RPS6KC1: variants seen among roughly 807,000 people sequenced by gnomAD.
The protein encoded by RPS6KC1 is ribosomal protein S6 kinase C1, also known as inactive ribosomal protein S6 kinase delta-1.
Under a neutral mutation model 103.8 loss-of-function variants are expected in RPS6KC1, and 54 were observed. The ratio of observed to expected loss-of-function variants is 0.52; its 90% confidence interval spans 0.42 to 0.65. RPS6KC1 has a LOEUF of 0.65. RPS6KC1 is among the 30% of genes least tolerant of loss of function. The probability of loss-of-function intolerance (pLI) is 0.00; values close to 1 mark genes in which losing one functional copy is unlikely to be tolerated. For missense variants in RPS6KC1, 1,151 were observed against 1,253.8 expected, an observed-to-expected ratio of 0.92 and a Z score of 1.24; for synonymous variants, 439 against 438.7, an observed-to-expected ratio of 1.00 and a Z score of -0.01.
chr1:213,739,271 A>G, the RPS6KC1 span, among the ~76,000 whole-genome samples: 4 of 152,212 alleles, frequency 2.6e-5, no homozygotes, highest in Non-Finnish European at 4.4e-5. Flanking sequence ...TGTTTTCTCT[A>G]GCTTACTTTA....
chr1:213,167,238 G>A (rs1033556328), intron 6 of RPS6KC1, among the ~76,000 whole-genome samples: 1 of 152,054 alleles, frequency 6.6e-6, no homozygotes, highest in African/African-American at 2.4e-5. Context: ...GAGGGGAAGG[G>A]GTAGAAGAGT....
At chr1:213,719,803 A>G in the RPS6KC1 span, among the ~76,000 whole-genome samples, 39,452 of 152,132 alleles carry the variant, frequency 0.26, 5,640 homozygotes, top group Middle Eastern at 0.38. Flanking sequence ...TATCCCGGTC[A>G]AGAGCAGGAT....
At chr1:213,116,985 A>G (rs2083721150) in intron 4 of RPS6KC1, among the ~76,000 whole-genome samples, 1 of 151,970 alleles carries the variant, frequency 6.6e-6, no homozygotes, top group African/African-American at 2.4e-5. Flanking sequence ...TGCTCTTAAC[A>G]TTTTTTGAAT....
the RPS6KC1 span, among the ~76,000 whole-genome samples, chr1:213,376,591 G>A: frequency 9.2e-5 from 14 of 151,646 alleles, no homozygotes; most frequent in African/African-American, 3.4e-4. Context: ...CCGTTCCTCC[G>A]ATTTTGCCTC....
At chr1:213,602,116 CT>C in the RPS6KC1 span, among the ~76,000 whole-genome samples, 1 of 33,074 alleles carries the variant, frequency 3.0e-5, no homozygotes, top group Non-Finnish European at 5.6e-5. Context: ...TTCTTTCTTT[CT>C]TTCTCTTTCT....
chr1:213,264,658 C>G (rs1173399744), intron 14 of RPS6KC1, among the ~76,000 whole-genome samples: 12 of 152,072 alleles, frequency 7.9e-5, no homozygotes. Context: ...AGGAAACTAC[C>G]ACTCATGTTG....
At chr1:213,472,642 C>G in the RPS6KC1 span, among the ~76,000 whole-genome samples, 1 of 152,136 alleles carries the variant, frequency 6.6e-6, no homozygotes, top group African/African-American at 2.4e-5. Flanking sequence ...AAAGCACCAT[C>G]AAATGTTGAC....
At chr1:213,253,679 G>T (rs1205872891) in intron 12 of RPS6KC1, among the ~76,000 whole-genome samples, 1 of 152,048 alleles carries the variant, frequency 6.6e-6, no homozygotes, top group Non-Finnish European at 1.5e-5. Context: ...TTAGATAAAC[G>T]TATGTCATGA....
chr1:213,133,411 T>TA (rs2085882168), intron 6 of RPS6KC1, among the ~76,000 whole-genome samples: 1 of 152,152 alleles, frequency 6.6e-6, no homozygotes, highest in South Asian at 2.1e-4. Context: ...GTATTTTTCT[T>TA]ACATTATTTT....
intron 14 of RPS6KC1, among the ~76,000 whole-genome samples, chr1:213,270,843 A>G (rs531186578): frequency 2.6e-4 from 39 of 152,344 alleles, no homozygotes; most frequent in African/African-American, 8.9e-4. Context: ...AAGATGCTCA[A>G]CATTATTAGT....
the RPS6KC1 span, among the ~76,000 whole-genome samples, chr1:213,637,264 G>A: frequency 0.14 from 21,389 of 152,046 alleles, 2,374 homozygotes; most frequent in African/African-American, 0.31. Flanking sequence ...ATTACTGGGT[G>A]TATACCCAAA....
chr1:213,695,614 C>G, the RPS6KC1 span, among the ~76,000 whole-genome samples: 1 of 152,240 alleles, frequency 6.6e-6, no homozygotes, highest in Admixed American at 6.5e-5. Context: ...TCTTGATGCT[C>G]TCAGTGTGAT....
intron 1 of RPS6KC1, among the ~76,000 whole-genome samples, chr1:213,057,561 A>G (rs751091324): frequency 6.6e-6 from 1 of 152,088 alleles, no homozygotes; most frequent in Non-Finnish European, 1.5e-5. Flanking sequence ...AGAATGTCAT[A>G]TAAATAGAAT....
chr1:213,335,395 G>C, the RPS6KC1 span, among the ~76,000 whole-genome samples: 1 of 152,192 alleles, frequency 6.6e-6, no homozygotes, highest in South Asian at 2.1e-4. Flanking sequence ...CAGGTAGCTG[G>C]TCCGCTATCA....
At chr1:213,180,996 G>A (rs914871220) in intron 8 of RPS6KC1, among the ~76,000 whole-genome samples, 6 of 152,106 alleles carry the variant, frequency 3.9e-5, no homozygotes, top group Non-Finnish European at 8.8e-5. Context: ...TTTTGATATT[G>A]AATTAGAACT....
chr1:213,206,149 A>T (rs2093343809), intron 8 of RPS6KC1, among the ~76,000 whole-genome samples: 1 of 152,178 alleles, frequency 6.6e-6, no homozygotes, highest in Admixed American at 6.5e-5. Flanking sequence ...GTTTCCTAAC[A>T]TTTTTAGAGA....
chr1:213,668,782 G>C, the RPS6KC1 span, among the ~76,000 whole-genome samples: 10,749 of 152,212 alleles, frequency 0.071, 1,084 homozygotes, highest in African/African-American at 0.22. Context: ...ATCCTAGTTA[G>C]ATCTTCTGGA....
the RPS6KC1 span, among the ~76,000 whole-genome samples, chr1:213,370,393 G>A: frequency 4.6e-5 from 7 of 152,018 alleles, no homozygotes; most frequent in African/African-American, 2.4e-5. Context: ...TTAGTGCTCA[G>A]TAAGCTGGCT....
chr1:213,724,704 C>G, the RPS6KC1 span, among the ~76,000 whole-genome samples: 1 of 152,080 alleles, frequency 6.6e-6, no homozygotes, highest in Non-Finnish European at 1.5e-5. Flanking sequence ...GTTTTCAAGA[C>G]CAGCCTGGGT....
Sources: allele counts gnomAD v4.1 joint callset (sites outside exome capture counted in the v4.1 genomes callset), GRCh38; gene constraint gnomAD v4.1.1; transcripts MANE v1.5; gene names NCBI Gene and HGNC (gene_info 2026-07-23, HGNC 2026-07-21).